Variants in S100PBP observed in about 807,000 individuals in gnomAD.
S100PBP encodes S100P-binding protein.
In S100PBP, 15 loss-of-function variants were observed where a neutral mutation model predicts 39.9. The ratio of observed to expected loss-of-function variants is 0.38; its 90% CI spans 0.25 to 0.58. The LOEUF (loss-of-function observed/expected upper bound fraction) is 0.58. S100PBP is among the 20% of genes least tolerant of loss of function. The probability of loss-of-function intolerance (pLI) is 0.70; values close to 1 mark genes in which losing one functional copy is unlikely to be tolerated. For missense variants in S100PBP, 504 were observed against 487.3 expected (o/e 1.03, Z -0.32); for synonymous variants, 178 against 180.3 (o/e 0.99, Z 0.10).
chr1:32,837,850 A>G (rs1013235356), intron 5 of S100PBP, among the ~76,000 whole-genome samples: 1 of 152,246 alleles, frequency 6.6e-6, no homozygotes, highest in African/African-American at 2.4e-5. Flanking sequence ...GTATTCCATT[A>G]TATAGATTTA....
chr1:32,827,973 A>G lies in S100PBP; in HGVS notation c.832-20A>G, dbSNP rs2148648046. On this transcript the variant is annotated intron_variant, in intron 3 of 6. Transcript: ENST00000373475. Reference sequence around the variant, plus strand: ...AACTAAGAATCACCTTTCCTTTTGCATTCCTTTTCCTCAAAAAAGCAGGAT... The same window carrying G: ...AACTAAGAATCACCTTTCCTTTTGCGTTCCTTTTCCTCAAAAAAGCAGGAT... 1 of 1,541,750 alleles carries G rather than the reference A, an allele frequency of 6.5e-7. No homozygotes were observed. The highest frequency in any genetic ancestry group is 1.7e-5 in the Admixed American group (1 of 57,404).
chr1:32,832,018 T>C (rs1163603891), intron 5 of S100PBP, among the ~76,000 whole-genome samples: 3 of 152,234 alleles, frequency 2.0e-5, no homozygotes, highest in African/African-American at 7.2e-5. Context: ...CTAGAATAAC[T>C]ATAGTGAATA....
chr1:32,847,787 T>G (rs1364692017), intron 5 of S100PBP: 2 of 152,184 alleles, frequency 1.3e-5, no homozygotes, highest in East Asian at 3.8e-4. Context: ...ATTAATCTAT[T>G]TATAAAAGCA....
In S100PBP at chr1:32,826,366, A is replaced by G; in HGVS notation, c.267A>G (p.Gln89=). 6.2e-7 allele frequency: 1 copy of G among 1,614,150 alleles called. No homozygotes were observed. Among genetic ancestry groups the G allele is most frequent in the Non-Finnish European group, 8.5e-7 (1 of 1,180,030 alleles). The change falls in exon 3 of 7, where the codon CAA becomes CAG. Residue 89 remains glutamine, a synonymous_variant. Coordinates refer to ENST00000373475, the MANE Select transcript of S100PBP (RefSeq NM_022753.4). ...GHVEKGERGS[Q]ILLDTPREKN... ...TTGAGAAGGGAGAAAGAGGGAGTCA[A>G]ATTCTACTTGATACTCCCCGAGAGA...
intron 6 of S100PBP, among the ~76,000 whole-genome samples, chr1:32,855,203 C>G (rs1640774127): frequency 2.6e-5 from 4 of 152,100 alleles, no homozygotes; most frequent in African/African-American, 9.7e-5. Flanking sequence ...GTCATTAAGT[C>G]TGGGAGGAGG....
intron 5 of S100PBP, among the ~76,000 whole-genome samples, chr1:32,851,231 C>G (rs556803979): frequency 6.6e-6 from 1 of 152,248 alleles, no homozygotes; most frequent in East Asian, 1.9e-4. Context: ...CTAAAAGTGA[C>G]ATTACTTTTA....
At chr1:32,833,216 G>A (rs1639676884) in intron 5 of S100PBP, among the ~76,000 whole-genome samples, 1 of 152,090 alleles carries the variant, frequency 6.6e-6, no homozygotes, top group Non-Finnish European at 1.5e-5. Flanking sequence ...CATAAGGCAG[G>A]TCATTCATTG....
chr1:32,816,750 C>CAGAGA (rs1638748897), upstream of S100PBP: 1 of 180,982 alleles, frequency 5.5e-6, no homozygotes, highest in Non-Finnish European at 1.2e-5. Flanking sequence ...GTCACTTCCT[C>CAGAGA]AGGGAAGCCT....
chr1:32,816,891 A>T, upstream of S100PBP: 1 of 564,794 alleles, frequency 1.8e-6, no homozygotes, highest in African/African-American at 1.9e-5. Flanking sequence ...ATCCCCAGCG[A>T]CTAAGCACCA....
chr1:32,820,290 G>A lies in S100PBP; in HGVS notation c.-120+2601G>A, dbSNP rs948048015. ...GCCTCCCAAGTAGCTGGGATTACAG[G>A]CATGCACCACACACCCGGCTAATCT... On this transcript the variant is annotated intron_variant, in intron 1 of 6. Coordinates refer to ENST00000373475, the MANE Select transcript of S100PBP (RefSeq NM_022753.4). 3.3e-5 allele frequency among the ~76,000 whole-genome samples: 5 copies of A among 152,030 alleles called. No homozygotes were observed. The East Asian group carries it at 9.7e-4, about 29-fold the overall frequency.
At chr1:32,842,217 ATATG>A (rs1272830241) in intron 5 of S100PBP, among the ~76,000 whole-genome samples, 1 of 66,474 alleles carries the variant, frequency 1.5e-5, no homozygotes, top group Non-Finnish European at 2.7e-5. Context: ...ATATATATAT[ATATG>A]TATATATATA....
chr1:32,819,776 TG>T (rs1328193366), intron 1 of S100PBP, among the ~76,000 whole-genome samples: 4 of 152,206 alleles, frequency 2.6e-5, no homozygotes, highest in Admixed American at 6.5e-5. Flanking sequence ...TTAAATACCA[TG>T]TTTTTTTAGT....
intron 1 of S100PBP, among the ~76,000 whole-genome samples, chr1:32,818,342 A>G (rs1436878652): frequency 6.6e-6 from 1 of 152,264 alleles, no homozygotes; most frequent in Non-Finnish European, 1.5e-5. Flanking sequence ...AGTATCCTCC[A>G]AAGGTTGGGC....
chr1:32,823,116 C>T (rs1324460066), intron 1 of S100PBP, among the ~76,000 whole-genome samples: 9 of 152,198 alleles, frequency 5.9e-5, no homozygotes, highest in African/African-American at 2.2e-4. Flanking sequence ...TGCTTCTGAA[C>T]TTTAGTTTCC....
chr1:32,834,397 C>T (rs1306678380), intron 5 of S100PBP, among the ~76,000 whole-genome samples: 1 of 152,134 alleles, frequency 6.6e-6, no homozygotes, highest in African/African-American at 2.4e-5. Flanking sequence ...TATAGATTGT[C>T]CCACATTCTG....
intron 4 of S100PBP, among the ~76,000 whole-genome samples, chr1:32,828,796 T>G (rs1639458634): frequency 6.6e-6 from 1 of 151,764 alleles, no homozygotes; most frequent in Non-Finnish European, 1.5e-5. Context: ...AACTCAGGAG[T>G]TCAGTACCAA....
intron 5 of S100PBP, chr1:32,835,499 A>G (rs1639777372): frequency 1.3e-5 from 2 of 152,184 alleles, no homozygotes; most frequent in South Asian, 4.1e-4. Flanking sequence ...GTTGTGAAAC[A>G]TATCTCCAGA....
At chr1:32,851,990 A>G (rs1640629960) in intron 5 of S100PBP, among the ~76,000 whole-genome samples, 1 of 152,178 alleles carries the variant, frequency 6.6e-6, no homozygotes, top group Non-Finnish European at 1.5e-5. Flanking sequence ...CATAGTGGCA[A>G]GGACATGGAG....
At chr1:32,838,578 C>T (rs1639949863) in intron 5 of S100PBP, among the ~76,000 whole-genome samples, 2 of 152,136 alleles carry the variant, frequency 1.3e-5, no homozygotes, top group South Asian at 2.1e-4. Flanking sequence ...TGCAGTGGCT[C>T]ACGCCTGTAA....
Sources: gnomAD v4.1 joint callset for allele counts (sites outside exome capture counted in the v4.1 genomes callset) on GRCh38, gnomAD v4.1.1 for gene constraint, MANE v1.5 for transcripts, NCBI Gene and HGNC (gene_info 2026-07-23, HGNC 2026-07-21) for gene names.